The following PAM variants were observed in gnomAD, a reference collection of about 807,000 sequenced individuals.
PAM encodes peptidylglycine alpha-amidating monooxygenase, also known as peptidyl-glycine alpha-amidating monooxygenase.
Under a neutral mutation model 122.1 loss-of-function variants are expected in PAM, and 72 were observed. That is an observed-to-expected ratio of 0.59 (90% CI 0.49 to 0.72). The LOEUF (loss-of-function observed/expected upper bound fraction) is 0.72, where lower values mean the gene tolerates loss of function less well. PAM is among the 30% of genes least tolerant of loss of function. The pLI is 0.00. For synonymous variants in PAM, 389 were observed against 404.4 expected, an observed-to-expected ratio of 0.96 and a Z score of 0.46; for missense variants, 1,106 against 1,183.7, an observed-to-expected ratio of 0.93 and a Z score of 0.96.
chr5:102,807,010 C>A (rs1005462490), intron 1 of PAM, among the ~76,000 whole-genome samples: 2 of 152,170 alleles, frequency 1.3e-5, no homozygotes, highest in Non-Finnish European at 2.9e-5. Context: ...ATAATAGTTT[C>A]TTTGAACTAG....
At chr5:102,954,030 G>A (rs773694510) in intron 12 of PAM, among the ~76,000 whole-genome samples, 3 of 151,624 alleles carry the variant, frequency 2.0e-5, no homozygotes, top group Admixed American at 6.6e-5. Context: ...CCCTGTCTCC[G>A]TCTCAAAATA....
chr5:102,932,788 C>T (rs1752027181), intron 7 of PAM, among the ~76,000 whole-genome samples: 1 of 152,042 alleles, frequency 6.6e-6, no homozygotes, highest in Admixed American at 6.6e-5. Flanking sequence ...TCCTTATCCC[C>T]TTCTCCCTTT....
intron 15 of PAM, among the ~76,000 whole-genome samples, chr5:102,985,262 G>A (rs1771404413): frequency 6.6e-6 from 1 of 151,376 alleles, no homozygotes; most frequent in African/African-American, 2.4e-5. Context: ...AAATACAAAG[G>A]TCAATGAAAA....
intron 3 of PAM, among the ~76,000 whole-genome samples, chr5:102,886,613 C>T (rs1469729209): frequency 1.3e-5 from 2 of 152,006 alleles, no homozygotes; most frequent in Non-Finnish European, 2.9e-5. Context: ...CTGATCTGAG[C>T]ACCCTGTTGT....
intron 7 of PAM, among the ~76,000 whole-genome samples, chr5:102,938,041 G>A (rs923184125): frequency 7.2e-5 from 11 of 152,018 alleles, no homozygotes; most frequent in Non-Finnish European, 1.3e-4. Flanking sequence ...AATTGTAATC[G>A]GATATTCTTC....
At chr5:102,898,914 C>A (rs986441032) in intron 3 of PAM, among the ~76,000 whole-genome samples, 1 of 151,674 alleles carries the variant, frequency 6.6e-6, no homozygotes, top group African/African-American at 2.4e-5. Flanking sequence ...TTACCATCTT[C>A]AGCTTCATTT....
intron 15 of PAM, among the ~76,000 whole-genome samples, chr5:102,982,131 G>C (rs1245131981): frequency 6.6e-6 from 1 of 151,872 alleles, no homozygotes; most frequent in Non-Finnish European, 1.5e-5. Context: ...GGATTCACCC[G>C]CCCTGTCTAC....
At chr5:102,854,984 T>C (rs1397061008) in intron 1 of PAM, among the ~76,000 whole-genome samples, 2 of 152,236 alleles carry the variant, frequency 1.3e-5, no homozygotes, top group African/African-American at 4.8e-5. Context: ...CAGTGGTGAA[T>C]TGCATATTTA....
At chr5:102,797,679 A>G (rs1171046559) in intron 1 of PAM, among the ~76,000 whole-genome samples, 3 of 152,200 alleles carry the variant, frequency 2.0e-5, no homozygotes, top group Non-Finnish European at 2.9e-5. Flanking sequence ...AAAATTGGCA[A>G]TGTTCCAGCA....
At chr5:102,768,519 G>A (rs554515302) in intron 1 of PAM, among the ~76,000 whole-genome samples, 9 of 151,668 alleles carry the variant, frequency 5.9e-5, no homozygotes, top group South Asian at 4.1e-4. Flanking sequence ...TCTGGTAACC[G>A]TCATTCTACT....
intron 15 of PAM, among the ~76,000 whole-genome samples, chr5:102,982,913 G>C (rs1001914200): frequency 6.6e-6 from 1 of 151,842 alleles, no homozygotes; most frequent in Non-Finnish European, 1.5e-5. Context: ...TCAACATAAT[G>C]ATATTAAAGA....
chr5:102,839,706 T>C (rs1231828346), intron 1 of PAM, among the ~76,000 whole-genome samples: 1 of 152,182 alleles, frequency 6.6e-6, no homozygotes, highest in Admixed American at 6.5e-5. Context: ...AAAGAAATTT[T>C]ATCCAGTGAG....
In PAM at chr5:103,007,598, T is replaced by G. The variant is rs144216702; in HGVS notation, c.2156T>G (p.Val719Gly). 165 of 1,613,464 alleles carry G rather than the reference T, an allele frequency of 1.0e-4. No homozygotes were observed. Among genetic ancestry groups the G allele is most frequent in the Non-Finnish European group, 1.3e-4 (155 of 1,179,542 alleles). The change falls in exon 20 of 26, where the codon GTG becomes GGG. Residue 719 changes from valine to glycine, a missense_variant. Transcript: ENST00000438793. ...QCFKTDTKEF[V>G]REIKHSSFGR... ...TTTAAAACTGACACCAAAGAATTTG[T>G]GAGAGAGATTAAGCATTCATCATTT...
intron 1 of PAM, among the ~76,000 whole-genome samples, chr5:102,788,860 A>G (rs1464579506): frequency 2.6e-5 from 4 of 152,124 alleles, no homozygotes; most frequent in Non-Finnish European, 5.9e-5. Flanking sequence ...TAAAATACAT[A>G]TGTGTCATCT....
chr5:103,017,715 G>C (rs900477087), intron 22 of PAM, among the ~76,000 whole-genome samples: 5 of 152,158 alleles, frequency 3.3e-5, no homozygotes, highest in African/African-American at 1.2e-4. Context: ...CAGAAGGAGA[G>C]AGGGGGCTTT....
At chr5:102,947,772 T>C (rs973725070) in intron 8 of PAM, among the ~76,000 whole-genome samples, 2 of 152,114 alleles carry the variant, frequency 1.3e-5, no homozygotes, top group African/African-American at 4.8e-5. Flanking sequence ...ATGTCACAGC[T>C]AGGAATCATG....
chr5:102,785,244 C>T (rs1348875723), intron 1 of PAM, among the ~76,000 whole-genome samples: 12 of 152,112 alleles, frequency 7.9e-5, no homozygotes, highest in Non-Finnish European at 1.5e-4. Flanking sequence ...GGCCCCTTCC[C>T]AGTTTCACTT....
chr5:102,997,409 C>T (rs575762710), intron 16 of PAM, among the ~76,000 whole-genome samples: 10 of 151,996 alleles, frequency 6.6e-5, no homozygotes, highest in Non-Finnish European at 1.2e-4. Context: ...CCCAGCTACA[C>T]TCATGAGGCT....
intron 4 of PAM, among the ~76,000 whole-genome samples, chr5:102,912,763 C>G (rs929480096): frequency 9.2e-5 from 14 of 151,924 alleles, no homozygotes; most frequent in Admixed American, 3.9e-4. Context: ...GCCATTCTCT[C>G]TTCATTAATA....
Sources: gnomAD v4.1 joint callset for allele counts (sites outside exome capture counted in the v4.1 genomes callset) on GRCh38, gnomAD v4.1.1 for gene constraint, MANE v1.5 for transcripts, NCBI Gene and HGNC (gene_info 2026-07-23, HGNC 2026-07-21) for gene names.